EYS: variants seen among roughly 807,000 people sequenced by gnomAD.
The protein encoded by EYS is EGF-like photoreceptor maintenance factor.
EYS carries 250 observed loss-of-function variants against 282.1 expected under a neutral mutation model. The ratio of observed to expected loss-of-function variants is 0.89; its 90% CI spans 0.80 to 0.98. The LOEUF (loss-of-function observed/expected upper bound fraction) is 0.98. Among genes scored for constraint, EYS ranks in the 50% least tolerant of loss-of-function variants. The probability of loss-of-function intolerance (pLI) is 0.00; values close to 1 mark genes in which losing one functional copy is unlikely to be tolerated. For missense variants in EYS, 4,016 were observed against 3,709.0 expected (o/e 1.08, Z -2.15); for synonymous variants, 1,355 against 1,282.9 (o/e 1.06, Z -1.20).
chr6:63,789,389 T>C (rs1770451893), intron 37 of EYS, among the ~76,000 whole-genome samples, 165 bp from the exon 38 acceptor site: 1 of 152,220 alleles, frequency 6.6e-6, no homozygotes, highest in Admixed American at 6.5e-5. Flanking sequence ...GCTGTTGTTA[T>C]TCCCAGCCCC....
intron 19 of EYS, among the ~76,000 whole-genome samples, chr6:64,848,578 A>G (rs1036880386): frequency 6.6e-6 from 1 of 152,060 alleles, no homozygotes; most frequent in African/African-American, 2.4e-5. Flanking sequence ...CAAAATTATG[A>G]CATATAGTTT....
chr6:65,030,516 A>G (rs1487683463), intron 13 of EYS, among the ~76,000 whole-genome samples: 1 of 152,100 alleles, frequency 6.6e-6, no homozygotes, highest in Non-Finnish European at 1.5e-5. Flanking sequence ...CCCTGTCCAC[A>G]TGCATGTACT....
In EYS at chr6:65,117,033, C is replaced by T. The variant is rs528088814; in HGVS notation, c.2024-59306G>A. Among the ~76,000 whole-genome samples, 26 of 152,266 alleles carry T rather than the reference C, an allele frequency of 1.7e-4. No homozygotes were observed. In the South Asian group the frequency reaches 5.4e-3, roughly 32 times the overall value. On this transcript the variant is annotated intron_variant, in intron 12 of 42. Transcript: ENST00000503581. ...TTGTCTTGAAGTTGTAGCCATTAAA[C>T]TGCACTGGCCAGTCAAATGTGAGTA...
At chr6:64,316,899 A>G (rs137927325) in intron 29 of EYS, among the ~76,000 whole-genome samples, 2,379 of 152,248 alleles carry the variant, frequency 0.016, 21 homozygotes, top group South Asian at 0.034. Context: ...GAGACCTCAG[A>G]AATACCACCA....
chr6:65,595,445 G>A (rs1765372060), intron 2 of EYS, among the ~76,000 whole-genome samples: 2 of 151,050 alleles, frequency 1.3e-5, no homozygotes, highest in Non-Finnish European at 2.9e-5. Flanking sequence ...TTGTGCACAT[G>A]TACCCTAGAA....
In EYS at chr6:65,272,197, A is replaced by G. The variant is rs946014145; in HGVS notation, c.2023+23666T>C. 2.6e-5 allele frequency among the ~76,000 whole-genome samples: 4 copies of G among 152,190 alleles called. No individual in the cohort carries two copies. The South Asian group carries it at 6.2e-4, about 24-fold the overall frequency. ...TCAGTCACTGAGATCTTTGCTTCTT[A>G]TAAGTGGTTGGTTAGGAGTACCCAA... On this transcript the variant is annotated intron_variant, in intron 12 of 42. Coordinates refer to ENST00000503581, the MANE Select transcript of EYS (RefSeq NM_001142800.2).
intron 35 of EYS, among the ~76,000 whole-genome samples, chr6:63,865,841 G>A (rs866857040): frequency 6.6e-5 from 10 of 152,110 alleles, no homozygotes; most frequent in African/African-American, 2.4e-4. Flanking sequence ...TATTCTCCAT[G>A]ATAATGTTGT....
chr6:65,132,923 C>T lies in EYS; in HGVS notation c.2024-75196G>A, dbSNP rs1045460519. On this transcript the variant is annotated intron_variant, in intron 12 of 42. Coordinates refer to ENST00000503581, the MANE Select transcript of EYS (RefSeq NM_001142800.2). ...TAGCATTCTTACACACCAAGAACAGCCAAGCTGAGAGGCAAATCATGAATG... is the reference window on the plus strand; with the variant it reads ...TAGCATTCTTACACACCAAGAACAGTCAAGCTGAGAGGCAAATCATGAATG... Among the ~76,000 whole-genome samples the T allele has an allele frequency of 4.6e-5, 7 of 151,602 alleles. No individual in the cohort carries two copies. In the East Asian group the frequency reaches 1.4e-3, roughly 29 times the overall value.
At chr6:65,013,966 C>A (rs1771962800) in intron 13 of EYS, among the ~76,000 whole-genome samples, 1 of 152,102 alleles carries the variant, frequency 6.6e-6, no homozygotes, top group African/African-American at 2.4e-5. Context: ...ATAATTAAGT[C>A]CCAGAATCAT....
In EYS at chr6:65,005,383, C is replaced by G. The variant is rs751183740; in HGVS notation, c.2138-7680G>C. Among the ~76,000 whole-genome samples the G allele has an allele frequency of 4.1e-5, 6 of 147,462 alleles. 1 individual carries two copies. Among genetic ancestry groups the G allele is most frequent in the Non-Finnish European group, 9.1e-5 (6 of 65,852 alleles). ...CCGCATGGCCCAAGATTCCATTCCTCGGAATCCGTGAGGCCAAGAGCCCCA... is the reference window on the plus strand; with the variant it reads ...CCGCATGGCCCAAGATTCCATTCCTGGGAATCCGTGAGGCCAAGAGCCCCA... On this transcript the variant is annotated intron_variant, in intron 13 of 42. Transcript: ENST00000503581.
intron 2 of EYS, among the ~76,000 whole-genome samples, chr6:65,630,827 T>A (rs1766885829): frequency 6.6e-6 from 1 of 152,174 alleles, no homozygotes; most frequent in Non-Finnish European, 1.5e-5. Flanking sequence ...TGTATAAAAA[T>A]TATTGAGAAA....
intron 33 of EYS, among the ~76,000 whole-genome samples, chr6:64,041,593 A>G (rs1770393655): frequency 6.6e-6 from 1 of 152,208 alleles, no homozygotes; most frequent in Non-Finnish European, 1.5e-5. Context: ...TAAAGCAATA[A>G]ATCATAAACC....
At chr6:64,016,706 G>A (rs1382555959) in intron 33 of EYS, among the ~76,000 whole-genome samples, 33 of 151,956 alleles carry the variant, frequency 2.2e-4, no homozygotes. Context: ...AAACTACTGT[G>A]CTCAAGCTAT....
intron 30 of EYS, among the ~76,000 whole-genome samples, chr6:64,272,882 A>G (rs1003678270): frequency 6.6e-6 from 1 of 152,066 alleles, no homozygotes; most frequent in Non-Finnish European, 1.5e-5. Context: ...ATATTTATAA[A>G]TTATATTTTC....
chr6:64,916,184 A>AT (rs1349988188), intron 15 of EYS, among the ~76,000 whole-genome samples: 1 of 152,214 alleles, frequency 6.6e-6, no homozygotes, highest in Non-Finnish European at 1.5e-5. Flanking sequence ...TTGCACAAGT[A>AT]TTTATGTTTT....
intron 36 of EYS, among the ~76,000 whole-genome samples, chr6:63,860,858 A>G (rs1772514907): frequency 6.6e-6 from 1 of 152,104 alleles, no homozygotes; most frequent in Non-Finnish European, 1.5e-5. Context: ...AGATATCTAA[A>G]TATTGGCATT....
chr6:65,512,848 A>G (rs1197233649), intron 2 of EYS, among the ~76,000 whole-genome samples: 1 of 152,212 alleles, frequency 6.6e-6, no homozygotes, highest in Non-Finnish European at 1.5e-5. Flanking sequence ...GAAAGATCCA[A>G]AATTGACACC....
chr6:64,743,727 T>C (rs1165918225), intron 22 of EYS, among the ~76,000 whole-genome samples: 2 of 152,154 alleles, frequency 1.3e-5, no homozygotes, highest in Non-Finnish European at 2.9e-5. Flanking sequence ...TTTTTGTTTA[T>C]TTTATTGGAA....
chr6:65,017,619 C>T (rs1772097678), intron 13 of EYS, among the ~76,000 whole-genome samples: 1 of 152,086 alleles, frequency 6.6e-6, no homozygotes, highest in Admixed American at 6.5e-5. Flanking sequence ...TGAGCGTAAA[C>T]AATTTTATGG....
Sources: allele counts gnomAD v4.1 joint callset (sites outside exome capture counted in the v4.1 genomes callset), GRCh38; gene constraint gnomAD v4.1.1; transcripts MANE v1.5; gene names NCBI Gene and HGNC (gene_info 2026-07-23, HGNC 2026-07-21).